The following MIR2052HG variants were observed in gnomAD, a reference collection of about 807,000 sequenced individuals.
MIR2052HG encodes the protein MIR2052 host gene.
intron 4 of MIR2052HG, among the ~76,000 whole-genome samples, chr8:74,741,709 A>C (rs1809833492): frequency 6.6e-6 from 1 of 152,166 alleles, no homozygotes. Flanking sequence ...AGCCTAAATG[A>C]ATTTTAGGTA....
intron 4 of MIR2052HG, among the ~76,000 whole-genome samples, chr8:74,727,328 G>T (rs1327113316): frequency 6.6e-6 from 1 of 152,190 alleles, no homozygotes; most frequent in Non-Finnish European, 1.5e-5. Context: ...AGCAGGGTCT[G>T]GAAGGTGGAT....
At chr8:74,654,173 G>C (rs1188234239) in intron 2 of MIR2052HG, among the ~76,000 whole-genome samples, 2 of 152,070 alleles carry the variant, frequency 1.3e-5, no homozygotes, top group Non-Finnish European at 2.9e-5. Flanking sequence ...TTCATTTTCA[G>C]TTAGAGGAGT....
intron 2 of MIR2052HG, among the ~76,000 whole-genome samples, chr8:74,654,842 G>T (rs982619786): frequency 8.5e-5 from 13 of 152,188 alleles, no homozygotes; most frequent in African/African-American, 2.7e-4. Flanking sequence ...AGTTTGGAGG[G>T]CTCAGAAGAA....
intron 4 of MIR2052HG, among the ~76,000 whole-genome samples, chr8:74,707,188 T>C (rs1411499068): frequency 2.0e-5 from 3 of 152,120 alleles, no homozygotes; most frequent in Non-Finnish European, 2.9e-5. Flanking sequence ...TACCATCTGA[T>C]CTAAATATGT....
chr8:74,603,593 GT>G, intron 1 of MIR2052HG: 1 of 1,543,510 alleles, frequency 6.5e-7, no homozygotes, highest in Non-Finnish European at 9.0e-7. Context: ...AAATGAGACT[GT>G]TGCATTGCCA....
intron 2 of MIR2052HG, among the ~76,000 whole-genome samples, chr8:74,622,075 A>G (rs953493716): frequency 6.6e-6 from 1 of 152,164 alleles, no homozygotes; most frequent in Admixed American, 6.5e-5. Flanking sequence ...TCCAAAAAGC[A>G]CCTGCACCGC....
At chr8:74,653,251 A>C (rs1275730251) in intron 2 of MIR2052HG, among the ~76,000 whole-genome samples, 2 of 152,186 alleles carry the variant, frequency 1.3e-5, no homozygotes, top group African/African-American at 4.8e-5. Flanking sequence ...GTGGGCAGAA[A>C]TTGAGCTTTC....
chr8:74,614,826 G>C (rs989765419), intron 2 of MIR2052HG, among the ~76,000 whole-genome samples: 4 of 151,494 alleles, frequency 2.6e-5, no homozygotes, highest in Non-Finnish European at 5.9e-5. Flanking sequence ...TACCACTAGG[G>C]ATGACACAGA....
chr8:74,721,178 C>T (rs912065955), intron 4 of MIR2052HG, among the ~76,000 whole-genome samples: 33 of 152,154 alleles, frequency 2.2e-4, no homozygotes, highest in Admixed American at 1.9e-3. Context: ...ACCCTGACAC[C>T]TGTGTTCCAG....
At chr8:74,745,688 G>A (rs558376082) in intron 4 of MIR2052HG, among the ~76,000 whole-genome samples, 2 of 152,274 alleles carry the variant, frequency 1.3e-5, no homozygotes, top group African/African-American at 4.8e-5. Flanking sequence ...TGAATCTTAT[G>A]AAGGAAAAGC....
chr8:74,714,698 C>CTTTTTT (rs10715580), intron 4 of MIR2052HG, among the ~76,000 whole-genome samples: 10 of 124,438 alleles, frequency 8.0e-5, no homozygotes, highest in Non-Finnish European at 1.0e-4. Flanking sequence ...CTTTTTCCTT[C>CTTTTTT]TTTTTTTTTT....
intron 2 of MIR2052HG, among the ~76,000 whole-genome samples, chr8:74,649,469 CGTGTTGATCATG>C (rs1348839725): frequency 3.3e-5 from 5 of 151,916 alleles, no homozygotes; most frequent in Non-Finnish European, 7.4e-5. Flanking sequence ...GAGATAAAAA[CGTGTTGATCATG>C]GTCTTTCAAA....
At chr8:74,728,831 C>G (rs1222075069) in intron 4 of MIR2052HG, among the ~76,000 whole-genome samples, 1 of 152,136 alleles carries the variant, frequency 6.6e-6, no homozygotes, top group Non-Finnish European at 1.5e-5. Flanking sequence ...TGGTGAAGTT[C>G]TAATAACAAA....
At chr8:74,731,696 T>C (rs1252331411) in intron 4 of MIR2052HG, among the ~76,000 whole-genome samples, 3 of 152,120 alleles carry the variant, frequency 2.0e-5, no homozygotes, top group Non-Finnish European at 4.4e-5. Flanking sequence ...ATTTATTAAG[T>C]TGGAGACCCC....
chr8:74,677,894 A>T (rs1809071770), intron 2 of MIR2052HG, among the ~76,000 whole-genome samples: 1 of 152,208 alleles, frequency 6.6e-6, no homozygotes, highest in African/African-American at 2.4e-5. Flanking sequence ...CAAAACTCTG[A>T]TGAGACTGAT....
At chr8:74,754,598 A>G (rs1203818245) in intron 5 of MIR2052HG, among the ~76,000 whole-genome samples, 2 of 152,212 alleles carry the variant, frequency 1.3e-5, no homozygotes, top group Non-Finnish European at 2.9e-5. Context: ...GTGGTTGAAG[A>G]GATCTACGGC....
At chr8:74,725,846 T>C (rs1166885794) in intron 4 of MIR2052HG, among the ~76,000 whole-genome samples, 1 of 152,068 alleles carries the variant, frequency 6.6e-6, no homozygotes, top group Non-Finnish European at 1.5e-5. Flanking sequence ...TCGGGGTAAG[T>C]ATTACTCGCT....
intron 4 of MIR2052HG, among the ~76,000 whole-genome samples, chr8:74,730,583 C>G (rs905430601): frequency 3.9e-5 from 6 of 152,022 alleles, no homozygotes; most frequent in Admixed American, 2.6e-4. Context: ...GTAAGATAAG[C>G]AAAAAGTTAA....
At chr8:74,681,094 G>A (rs1809119343) in intron 2 of MIR2052HG, among the ~76,000 whole-genome samples, 2 of 149,386 alleles carry the variant, frequency 1.3e-5, no homozygotes, top group African/African-American at 4.9e-5. Flanking sequence ...GGATAGCATT[G>A]GGAGATATAC....
Sources: gnomAD v4.1 joint callset for allele counts (sites outside exome capture counted in the v4.1 genomes callset) on GRCh38, gnomAD v4.1.1 for gene constraint, MANE v1.5 for transcripts, NCBI Gene and HGNC (gene_info 2026-07-23, HGNC 2026-07-21) for gene names.